Variants in ZNF821 observed in about 807,000 individuals in gnomAD.
The protein encoded by ZNF821 is zinc finger protein 821.
ZNF821 carries 16 observed loss-of-function variants against 44.3 expected under a neutral mutation model. That is an observed-to-expected ratio of 0.36 (90% CI 0.24 to 0.55). ZNF821 has a LOEUF of 0.55. Among genes scored for constraint, ZNF821 ranks in the 20% least tolerant of loss-of-function variants. The pLI is 0.86. For missense variants in ZNF821, 436 were observed against 547.6 expected (o/e 0.80, Z 2.03); for synonymous variants, 204 against 197.6 (o/e 1.03, Z -0.27).
upstream of ZNF821, among the ~76,000 whole-genome samples, chr16:71,887,320 C>T (rs568163370): frequency 7.3e-4 from 100 of 137,738 alleles, no homozygotes; most frequent in African/African-American, 1.8e-3. Flanking sequence ...AGTGCAGTGG[C>T]GCGATCTCGG....
At chr16:71,871,262 T>C (rs533380739) in intron 3 of ZNF821, among the ~76,000 whole-genome samples, 3 of 152,332 alleles carry the variant, frequency 2.0e-5, no homozygotes, top group Admixed American at 2.0e-4. Flanking sequence ...GAAAAGCTTG[T>C]GTTCTTATAT....
chr16:71,864,282 C>T (rs535374114), intron 5 of ZNF821, 40 bp from the exon 6 acceptor site: 3 of 1,559,554 alleles, frequency 1.9e-6, no homozygotes, highest in African/African-American at 2.7e-5. Flanking sequence ...GGACTCTTTA[C>T]TCATCTCTTC....
At chr16:71,878,307 T>G (rs1339512693) in intron 3 of ZNF821, among the ~76,000 whole-genome samples, 1 of 150,820 alleles carries the variant, frequency 6.6e-6, no homozygotes, top group African/African-American at 2.4e-5. Flanking sequence ...TGGAGATGAG[T>G]TTTTTGCCAC....
intron 1 of ZNF821, chr16:71,890,513 C>G (rs1447251017): frequency 6.6e-6 from 1 of 151,730 alleles, no homozygotes; most frequent in Non-Finnish European, 1.5e-5. Flanking sequence ...CCTCAGCCTC[C>G]TGAGTAGCTG....
chr16:71,859,751 A>C lies in ZNF821; in HGVS notation c.*267T>G, dbSNP rs2033623551. On this transcript the variant is annotated 3_prime_UTR_variant, in exon 8 of 8. Transcript: ENST00000425432. Reference sequence around the variant, plus strand: ...CCACACAGGGGCCCCACAGTCCTAGAAGCACAGCCTGTGGCAGTGGGCTGG... The same window carrying C: ...CCACACAGGGGCCCCACAGTCCTAGCAGCACAGCCTGTGGCAGTGGGCTGG... 2.0e-6 allele frequency: 1 copy of C among 488,934 alleles called. No individual in the cohort carries two copies. Among genetic ancestry groups the C allele is most frequent in the Non-Finnish European group, 3.6e-6 (1 of 278,000 alleles). The allele number at this position is 488,934 out of a possible 1,614,324, so 30.3% of individuals were successfully genotyped here.
intron 1 of ZNF821, among the ~76,000 whole-genome samples, 158 bp downstream of exon 1, chr16:71,883,750 A>C (rs1014088814): frequency 6.6e-6 from 1 of 152,028 alleles, no homozygotes; most frequent in African/African-American, 2.4e-5. Flanking sequence ...TTGGGGTTGG[A>C]AGCGGGGAGG....
chr16:71,860,472 C>G lies in ZNF821; in HGVS notation c.785G>C (p.Arg262Pro). The stretch of plus-strand genomic sequence containing the variant: ...CCGTACTTCCAAAGGCTCATTCTGT[C>G]GACGTAGAGCCCACTTGCGTACACT... Reference protein sequence around the residue: ...TPSVRKWALRRQNEPLEVRLQ... With the variant: ...TPSVRKWALRPQNEPLEVRLQ... The change falls in exon 8 of 8, where the codon CGA (arginine) becomes CCA (proline). Residue 262 changes from arginine (R) to proline (P), a missense_variant. This residue lies in a region of ZNF821 where 68 missense variants were observed against 57.0 expected (regional missense o/e 1.19). Coordinates refer to ENST00000425432, the MANE Select transcript of ZNF821 (RefSeq NM_001201552.2). This position sits in a 1 kb window ranked among gnomAD's most constrained non-coding sequence, Gnocchi z 7.3. 8 of 1,614,176 alleles carry G rather than the reference C, an allele frequency of 5.0e-6. No homozygotes were observed. Among genetic ancestry groups the G allele is most frequent in the Non-Finnish European group, 6.8e-6 (8 of 1,180,046 alleles).
intron 1 of ZNF821, among the ~76,000 whole-genome samples, chr16:71,891,995 C>CAAAAAAAAAAAA (rs58554253): frequency 4.7e-5 from 1 of 21,160 alleles, no homozygotes. Context: ...GACTCCGTCT[C>CAAAAAAAAAAAA]AAAAAAAAAA....
chr16:71,881,492 A>C (rs532556406), intron 2 of ZNF821: 10 of 152,244 alleles, frequency 6.6e-5, no homozygotes. Flanking sequence ...AAATCAATTT[A>C]AACTATTTAG....
In ZNF821 at chr16:71,859,830, G is replaced by A; in HGVS notation, c.*188C>T. On this transcript the variant is annotated 3_prime_UTR_variant, in exon 8 of 8. Coordinates refer to ENST00000425432, the MANE Select transcript of ZNF821 (RefSeq NM_001201552.2). ...CCTTGTCCAGAGCTGCCTTGAGCCA[G>A]GTCCCTCCTGACCCCATCATCCTGT... is the stretch of plus-strand genomic sequence containing the variant. The A allele has an allele frequency of 1.5e-6, 1 of 665,814 alleles. No individual in the cohort carries two copies. Among genetic ancestry groups the A allele is most frequent in the Non-Finnish European group, 2.5e-6 (1 of 402,502 alleles). The allele number at this position is 665,814 out of a possible 1,614,324, so 41.2% of individuals were successfully genotyped here. A position where few individuals can be genotyped will look rare whatever the true frequency, so the allele number is the denominator to read the frequency against.
chr16:71,865,521 C>G (rs1189824122), intron 4 of ZNF821, among the ~76,000 whole-genome samples: 1 of 152,198 alleles, frequency 6.6e-6, no homozygotes, highest in African/African-American at 2.4e-5. Context: ...CAGCAAACCT[C>G]AAGGCACACT....
intron 6 of ZNF821, among the ~76,000 whole-genome samples, chr16:71,863,401 CT>C (rs372197045): frequency 1.2e-3 from 128 of 108,588 alleles, no homozygotes; most frequent in Non-Finnish European, 1.3e-3. Context: ...AGCAGAATCT[CT>C]TTTTTTTTTT....
At chr16:71,864,691 AG>A in intron 5 of ZNF821, 1 of 574,880 alleles carries the variant, frequency 1.7e-6, no homozygotes, top group Non-Finnish European at 3.1e-6. Flanking sequence ...AGCTGTGCAC[AG>A]GCGCAGCGAT....
chr16:71,880,859 C>T (rs888172824), intron 2 of ZNF821, among the ~76,000 whole-genome samples: 1 of 152,120 alleles, frequency 6.6e-6, no homozygotes, highest in African/African-American at 2.4e-5. Context: ...GTTCCCCAAA[C>T]GAAAAATGCT....
chr16:71,869,945 A>G (rs577882808), intron 3 of ZNF821, among the ~76,000 whole-genome samples: 95 of 152,302 alleles, frequency 6.2e-4, no homozygotes, highest in Non-Finnish European at 1.2e-3. Context: ...CCTAATGTCT[A>G]TATTCCTTAA....
At chr16:71,893,249 C>G (rs9806905) in intron 1 of ZNF821, among the ~76,000 whole-genome samples, 109,187 of 150,840 alleles carry the variant, frequency 0.72, 40,120 homozygotes, top group East Asian at 0.98. Flanking sequence ...GGGTGGTCTT[C>G]ATCTCCTGAC....
At chr16:71,862,591 G>C (rs2034032233) in intron 6 of ZNF821, among the ~76,000 whole-genome samples, 1 of 152,208 alleles carries the variant, frequency 6.6e-6, no homozygotes, top group South Asian at 2.1e-4. Context: ...ACACTGTGCA[G>C]GTACAAATTA....
At chr16:71,878,711 C>G (rs546385373) in intron 3 of ZNF821, among the ~76,000 whole-genome samples, 3 of 152,156 alleles carry the variant, frequency 2.0e-5, no homozygotes, top group Admixed American at 2.0e-4. Flanking sequence ...GGCCAGATCA[C>G]CTGAGGTCAG....
At chr16:71,864,301 A>T in intron 5 of ZNF821, 59 bp from the exon 6 acceptor site, 1 of 1,490,500 alleles carries the variant, frequency 6.7e-7, no homozygotes, top group Non-Finnish European at 9.4e-7. Flanking sequence ...TCCCTGCCCC[A>T]GCTTTTTAAA....
Sources: allele counts gnomAD v4.1 joint callset (sites outside exome capture counted in the v4.1 genomes callset), GRCh38; gene constraint gnomAD v4.1.1; regional missense constraint gnomAD v4.1.1; non-coding constraint Gnocchi (gnomAD v3.1); transcripts MANE v1.5; gene names NCBI Gene and HGNC (gene_info 2026-07-23, HGNC 2026-07-21).